OAS1: variants seen among roughly 807,000 people sequenced by gnomAD.
OAS1 encodes 2'-5'-oligoadenylate synthase 1.
OAS1 carries 24 observed loss-of-function variants against 38.5 expected under a neutral mutation model. That is an observed-to-expected ratio of 0.62 (90% CI 0.45 to 0.88). The LOEUF is 0.88. Among genes scored for constraint, OAS1 ranks in the 40% least tolerant of loss-of-function variants. OAS1 has a pLI of 0.00. For missense variants in OAS1, 482 were observed against 493.9 expected (o/e 0.98, Z 0.23); for synonymous variants, 169 against 193.9 (o/e 0.87, Z 1.07).
At chr12:112,916,855 G>A (rs2043467822) in intron 4 of OAS1, 117 bp downstream of exon 4, 5 of 772,334 alleles carry the variant, frequency 6.5e-6, no homozygotes, top group Middle Eastern at 2.3e-4. Context: ...ATCTCCTGTT[G>A]CCCATCATTG....
chr12:112,924,185 G>A (rs2043546145), downstream of OAS1, among the ~76,000 whole-genome samples: 1 of 152,138 alleles, frequency 6.6e-6, no homozygotes. Flanking sequence ...AATATTCCCA[G>A]AGCCCATCTA....
chr12:112,912,843 C>T (rs1405892887), intron 3 of OAS1, among the ~76,000 whole-genome samples: 3 of 152,208 alleles, frequency 2.0e-5, no homozygotes, highest in Non-Finnish European at 4.4e-5. Context: ...CACTAACCAC[C>T]ATCATCACCA....
rs554365926 is a variant in OAS1, at chr12:112,925,150, G to A, written c.1167+5535G>A. 7.2e-5 allele frequency among the ~76,000 whole-genome samples: 11 copies of A among 152,284 alleles called. No homozygotes were observed. The East Asian group carries it at 9.7e-4, about 13-fold the overall frequency. On this transcript the variant is annotated intron_variant, in intron 6 of 6. Transcript: ENST00000540589. ...CTGGAAGTGTTCAAAATGAGGAAAC[G>A]TTCAATGTCAAGTTTGAGATCCAGG...
In OAS1 at chr12:112,917,529, C is replaced by G. The variant is rs2043477852; in HGVS notation, c.885-18C>G. The G allele has an allele frequency of 1.2e-6, 2 of 1,613,650 alleles. No homozygotes were observed. The highest frequency in any genetic ancestry group is 1.3e-5 in the African/African-American group (1 of 74,926). On this transcript the variant is annotated intron_variant, in intron 4 of 5. Coordinates refer to ENST00000202917, the MANE Select transcript of OAS1 (RefSeq NM_016816.4). ...GCCCCAGCTTCTCACCTGTCCCTCT[C>G]TAAATGCTGCTCTGCAGGCCTGTGA...
At chr12:112,919,968 T>TTG (rs2043519128), downstream of OAS1, 2 of 418,436 alleles carry the variant, frequency 4.8e-6, no homozygotes, top group African/African-American at 2.0e-5. Context: ...TCTAGGGGTA[T>TTG]TGTGTGTGTA....
At chr12:112,910,752 G>A (rs2043364894) in intron 2 of OAS1, among the ~76,000 whole-genome samples, 1 of 152,164 alleles carries the variant, frequency 6.6e-6, no homozygotes, top group Non-Finnish European at 1.5e-5. Flanking sequence ...AGATGTTATG[G>A]GATGCAGGAA....
intron 5 of OAS1, 83 bp downstream of exon 5, chr12:112,917,783 C>G (rs1255424744): frequency 6.2e-7 from 1 of 1,613,872 alleles, no homozygotes; most frequent in Non-Finnish European, 8.5e-7. Context: ...ACCATTCTTT[C>G]CAAAGAACTT....
chr12:112,931,131 T>C (rs1258649942), intron 6 of OAS1, among the ~76,000 whole-genome samples: 1 of 152,222 alleles, frequency 6.6e-6, no homozygotes, highest in East Asian at 1.9e-4. Context: ...TTGTATTTGC[T>C]TTTGTTTTGG....
intron 3 of OAS1, among the ~76,000 whole-genome samples, chr12:112,911,868 T>C (rs1657173296): frequency 1.3e-5 from 2 of 152,260 alleles, no homozygotes; most frequent in South Asian, 2.1e-4. Flanking sequence ...GTGGATGTGA[T>C]ACAATTTTCT....
intron 3 of OAS1, among the ~76,000 whole-genome samples, chr12:112,913,195 T>C (rs929739847): frequency 2.0e-5 from 3 of 152,208 alleles, no homozygotes; most frequent in African/African-American, 7.2e-5. Flanking sequence ...CATCTTCCAG[T>C]GTCATCATTA....
downstream of OAS1, among the ~76,000 whole-genome samples, chr12:112,924,064 A>G (rs2043545647): frequency 6.6e-6 from 1 of 152,204 alleles, no homozygotes. Flanking sequence ...TTTATATGGC[A>G]TGTGAGGAAG....
rs2043461827 is a variant in OAS1 at position 112,916,612 on chromosome 12, A to C, written c.758A>C (p.Gln253Pro). Residue 253 changes from glutamine (Q) to proline (P), a missense_variant, in exon 4 of 6, where the codon CAG becomes CCG. By Grantham distance (76) the Gln-to-Pro change is moderately conservative. Transcript: ENST00000202917. ...ATGAAAACACATTTCAACACAGCCC[A>C]GGGATTTCGGACGGTCTTGGAATTA... is the stretch of plus-strand genomic sequence containing the variant. The part of the protein sequence containing the change: ...GSMKTHFNTA[Q>P]GFRTVLELVI... 2 of 1,614,068 alleles carry C rather than the reference A, an allele frequency of 1.2e-6. No individual in the cohort carries two copies. The highest frequency in any genetic ancestry group is 2.2e-5 in the South Asian group (2 of 91,078).
At chr12:112,927,023 G>T (rs1052636224) in intron 6 of OAS1, among the ~76,000 whole-genome samples, 6 of 152,204 alleles carry the variant, frequency 3.9e-5, no homozygotes, top group Non-Finnish European at 5.9e-5. Flanking sequence ...TGGCTCCCAG[G>T]CAGTCAGACC....
At position 112,907,008 on chromosome 12, in the gene OAS1, A is replaced by C. The variant is rs750207645; in HGVS notation, c.-32A>C. 1.2e-6 allele frequency: 2 copies of C among 1,611,108 alleles called. No homozygotes were observed. Among genetic ancestry groups the C allele is most frequent in the African/African-American group, 1.3e-5 (1 of 74,894 alleles). ...AGAGATAAAAGCAAACAGGTCTGGGAGGCAGTTCTGTTGCCACTCTCTCTC... is the reference window on the plus strand; with the variant it reads ...AGAGATAAAAGCAAACAGGTCTGGGCGGCAGTTCTGTTGCCACTCTCTCTC... On this transcript the variant is annotated 5_prime_UTR_variant, in exon 1 of 6. Transcript: ENST00000202917.
At chr12:112,925,014 C>T (rs1025180430) in intron 6 of OAS1, among the ~76,000 whole-genome samples, 1 of 152,016 alleles carries the variant, frequency 6.6e-6, no homozygotes, top group Non-Finnish European at 1.5e-5. Context: ...TTTCTGAGCC[C>T]TCAGAGATAA....
At chr12:112,918,717 G>A (rs1251472857) in intron 5 of OAS1, 1 of 447,900 alleles carries the variant, frequency 2.2e-6, no homozygotes, top group South Asian at 1.6e-5. Flanking sequence ...GTGCTAAACA[G>A]CCTGCCTTGT....
chr12:112,932,657 T>G (rs1044041138), downstream of OAS1: 4 of 152,348 alleles, frequency 2.6e-5, no homozygotes, highest in African/African-American at 9.6e-5. Context: ...AAACTGCTGC[T>G]ATTTACTCAG....
intron 1 of OAS1, 93 bp from the exon 2 acceptor site, chr12:112,908,443 A>T: frequency 1.7e-6 from 2 of 1,185,246 alleles, no homozygotes; most frequent in Non-Finnish European, 2.4e-6. Context: ...AACAGTGGCT[A>T]GTGCTCCATA....
downstream of OAS1, among the ~76,000 whole-genome samples, chr12:112,924,110 A>G (rs966332723): frequency 2.0e-5 from 3 of 152,184 alleles, no homozygotes; most frequent in East Asian, 5.8e-4. Context: ...TGGATGCTCA[A>G]TTATCCCAGC....
Sources: gnomAD v4.1 joint callset for allele counts (sites outside exome capture counted in the v4.1 genomes callset) on GRCh38, gnomAD v4.1.1 for gene constraint, MANE v1.5 for transcripts, NCBI Gene and HGNC (gene_info 2026-07-23, HGNC 2026-07-21) for gene names.